The following GPM6A variants were observed in gnomAD, a reference collection of about 807,000 sequenced individuals.
The protein encoded by GPM6A is neuronal membrane glycoprotein M6-a.
A neutral mutation model predicts 32.1 loss-of-function variants in GPM6A; 7 were observed. That is an observed-to-expected ratio of 0.22 (90% CI 0.12 to 0.41). GPM6A has a LOEUF of 0.41. Ranked by LOEUF, GPM6A falls within the 10% of genes least tolerant of loss-of-function variation. The pLI is 1.00. For missense variants in GPM6A, 235 were observed against 347.2 expected (o/e 0.68, Z 2.57); for synonymous variants, 130 against 123.4 (o/e 1.05, Z -0.35).
intron 1 of GPM6A, among the ~76,000 whole-genome samples, chr4:175,915,288 A>ATT (rs11316675): frequency 1.4e-4 from 20 of 141,034 alleles, no homozygotes; most frequent in African/African-American, 5.3e-4. Context: ...ATTAAAAAGG[A>ATT]TTTTTTTTTT....
At chr4:175,863,548 A>T (rs1198378201) in intron 1 of GPM6A, among the ~76,000 whole-genome samples, 1 of 152,026 alleles carries the variant, frequency 6.6e-6, no homozygotes, top group Non-Finnish European at 1.5e-5. Flanking sequence ...ACACTTGTTT[A>T]TGAGTCTTGG....
intron 1 of GPM6A, among the ~76,000 whole-genome samples, chr4:175,971,290 C>A (rs1740494738): frequency 1.4e-5 from 2 of 145,772 alleles, no homozygotes; most frequent in Non-Finnish European, 1.5e-5. Context: ...AAAAAAAATT[C>A]TGAAAAGGAC....
At chr4:175,701,842 T>A in intron 1 of GPM6A, 75 bp from the exon 2 acceptor site, 1 of 992,362 alleles carries the variant, frequency 1.0e-6, no homozygotes, top group Non-Finnish European at 1.5e-6. Context: ...ACTTCAGCAC[T>A]ATGGGAAAGT....
chr4:175,972,252 T>C (rs574488646), intron 1 of GPM6A, among the ~76,000 whole-genome samples: 3 of 152,346 alleles, frequency 2.0e-5, no homozygotes, highest in South Asian at 2.1e-4. Context: ...TATATACATT[T>C]AAGAAGAATA....
intron 1 of GPM6A, among the ~76,000 whole-genome samples, chr4:175,964,239 AAG>A (rs557897463): frequency 6.6e-6 from 1 of 152,180 alleles, no homozygotes; most frequent in East Asian, 1.9e-4. Flanking sequence ...CTCAAAAAAA[AAG>A]AGAGAGACTA....
At chr4:175,729,203 G>T (rs1731308854) in intron 1 of GPM6A, among the ~76,000 whole-genome samples, 1 of 152,172 alleles carries the variant, frequency 6.6e-6, no homozygotes, top group Admixed American at 6.5e-5. Context: ...GTGACCACAA[G>T]TTCCAGTTTG....
At chr4:175,894,214 AT>A (rs147707014) in intron 1 of GPM6A, among the ~76,000 whole-genome samples, 17 of 151,376 alleles carry the variant, frequency 1.1e-4, no homozygotes, top group Admixed American at 8.6e-4. Flanking sequence ...TTAGAATTAC[AT>A]TTTTTTTTAG....
chr4:175,897,948 T>C (rs1254578831), intron 1 of GPM6A, among the ~76,000 whole-genome samples: 1 of 152,188 alleles, frequency 6.6e-6, no homozygotes, highest in Admixed American at 6.5e-5. Flanking sequence ...TTTACTAAAG[T>C]TGGCAAGTAA....
intron 1 of GPM6A, among the ~76,000 whole-genome samples, chr4:175,851,526 C>G (rs1185468517): frequency 6.6e-6 from 1 of 151,276 alleles, no homozygotes; most frequent in Non-Finnish European, 1.5e-5. Context: ...AAATGAGTGT[C>G]CAAACACTCT....
At chr4:175,695,432 C>T (rs959540243) in intron 2 of GPM6A, among the ~76,000 whole-genome samples, 10 of 152,150 alleles carry the variant, frequency 6.6e-5, no homozygotes, top group Admixed American at 2.6e-4. Flanking sequence ...CTGGGGGGGC[C>T]CAACCTTTGC....
At chr4:175,857,718 G>A (rs1736457366) in intron 1 of GPM6A, among the ~76,000 whole-genome samples, 1 of 151,458 alleles carries the variant, frequency 6.6e-6, no homozygotes, top group Non-Finnish European at 1.5e-5. Context: ...CTCTCAAGCT[G>A]ATAAAGATTT....
chr4:175,958,900 T>G (rs1464116842), intron 1 of GPM6A, among the ~76,000 whole-genome samples: 1 of 152,222 alleles, frequency 6.6e-6, no homozygotes, highest in Non-Finnish European at 1.5e-5. Flanking sequence ...ATTTGTTGTC[T>G]TCAAATGAAG....
intron 1 of GPM6A, among the ~76,000 whole-genome samples, chr4:175,709,333 C>T (rs1046995009): frequency 1.3e-5 from 2 of 151,690 alleles, no homozygotes; most frequent in African/African-American, 4.9e-5. Flanking sequence ...GCCTCTCTCT[C>T]TCTCTTTCCC....
At chr4:176,002,285 G>A in intron 1 of GPM6A, 1 of 1,599,276 alleles carries the variant, frequency 6.3e-7, no homozygotes. Flanking sequence ...TGGGCGAGGT[G>A]TACGCGCCCG....
Position 175,946,756 on chromosome 4 carries a change from T to C in GPM6A, c.-23+55553A>G, listed in dbSNP as rs114912763. Among the ~76,000 whole-genome samples, 845 of 152,220 alleles carry C rather than the reference T, an allele frequency of 5.6e-3. 5 individuals are homozygous for C. Among genetic ancestry groups the C allele is most frequent in the African/African-American group, 0.018 (765 of 41,544 alleles). On this transcript the variant is annotated intron_variant, in intron 1 of 7. Coordinates refer to the GPM6A transcript ENST00000280187. Reference sequence around the variant, plus strand: ...ACAGAGGTGGGCAGAGGACAGACAATTGGGGCCTGGTAGAGCATTCTGGGG... The same window carrying C: ...ACAGAGGTGGGCAGAGGACAGACAACTGGGGCCTGGTAGAGCATTCTGGGG...
intron 1 of GPM6A, among the ~76,000 whole-genome samples, chr4:175,722,154 G>A (rs113688992): frequency 2.6e-5 from 4 of 151,976 alleles, no homozygotes; most frequent in African/African-American, 9.7e-5. Context: ...TGGTGCGGGG[G>A]TGTGCACTTG....
intron 1 of GPM6A, among the ~76,000 whole-genome samples, chr4:175,884,185 A>C (rs1056518488): frequency 2.6e-5 from 4 of 152,158 alleles, no homozygotes; most frequent in African/African-American, 9.7e-5. Flanking sequence ...AAATTCTTCA[A>C]TTTGGGTTAA....
At chr4:175,704,650 C>T (rs768313023) in intron 1 of GPM6A, among the ~76,000 whole-genome samples, 3 of 152,192 alleles carry the variant, frequency 2.0e-5, no homozygotes, top group Non-Finnish European at 2.9e-5. Context: ...AAGTATACCA[C>T]ATAGCCTCAT....
intron 1 of GPM6A, among the ~76,000 whole-genome samples, chr4:175,954,843 C>T (rs1001490387): frequency 5.3e-5 from 8 of 152,174 alleles, no homozygotes; most frequent in African/African-American, 1.7e-4. Flanking sequence ...TGGCAAACAG[C>T]CAAACCTTGT....
Sources: allele counts gnomAD v4.1 joint callset (sites outside exome capture counted in the v4.1 genomes callset), GRCh38; gene constraint gnomAD v4.1.1; transcripts MANE v1.5; gene names NCBI Gene and HGNC (gene_info 2026-07-23, HGNC 2026-07-21).